Variants in ESR1 observed in about 807,000 individuals in gnomAD.
The protein encoded by ESR1 is estrogen receptor.
ESR1 carries 12 observed loss-of-function variants against 52.7 expected under a neutral mutation model. The ratio of observed to expected loss-of-function variants is 0.23; its 90% CI spans 0.15 to 0.37. The LOEUF is 0.37. Ranked by LOEUF, ESR1 falls within the 10% of genes least tolerant of loss-of-function variation. ESR1 has a pLI of 1.00. For synonymous variants in ESR1, 305 were observed against 316.8 expected, an observed-to-expected ratio of 0.96 and a Z score of 0.39; for missense variants, 584 against 779.7, an observed-to-expected ratio of 0.75 and a Z score of 2.99.
At chr6:151,687,552 A>T (rs1363461346), upstream of ESR1, among the ~76,000 whole-genome samples, 4 of 152,194 alleles carry the variant, frequency 2.6e-5, no homozygotes, top group Non-Finnish European at 5.9e-5. Flanking sequence ...AGATAAAAAC[A>T]CACAGTCCAA....
chr6:152,119,961 A>C (rs1239183994), intron 6 of ESR1, among the ~76,000 whole-genome samples: 1 of 152,164 alleles, frequency 6.6e-6, no homozygotes, highest in Non-Finnish European at 1.5e-5. Flanking sequence ...ATCTTCAAAA[A>C]TGTAATGGAA....
upstream of ESR1, among the ~76,000 whole-genome samples, chr6:151,806,832 A>G (rs1777962696): frequency 6.6e-6 from 1 of 152,022 alleles, no homozygotes; most frequent in South Asian, 2.1e-4. Flanking sequence ...TTTTATATTC[A>G]GTTTTCTGAA....
At chr6:151,700,693 G>C (rs955973165) in intron 1 of ESR1, among the ~76,000 whole-genome samples, 1 of 89,548 alleles carries the variant, frequency 1.1e-5, no homozygotes, top group Non-Finnish European at 2.2e-5. Flanking sequence ...TTTTTTTTGA[G>C]AAAAAAATTG....
intron 6 of ESR1, among the ~76,000 whole-genome samples, chr6:152,117,059 C>T (rs2051219137): frequency 6.6e-6 from 1 of 152,156 alleles, no homozygotes; most frequent in Non-Finnish European, 1.5e-5. Flanking sequence ...GAATGTGGTG[C>T]ATTCTTAACA....
chr6:151,760,678 G>A (rs1371293413), intron 2 of ESR1, among the ~76,000 whole-genome samples: 3 of 152,114 alleles, frequency 2.0e-5, no homozygotes, highest in Non-Finnish European at 4.4e-5. Context: ...CCTCCGAGGC[G>A]AGTTGCTGCC....
chr6:151,856,623 T>G (rs1787891982), intron 2 of ESR1, among the ~76,000 whole-genome samples: 1 of 152,188 alleles, frequency 6.6e-6, no homozygotes, highest in African/African-American at 2.4e-5. Context: ...CTCGCCTTCT[T>G]TCTCCCTATA....
chr6:151,850,108 A>ATATATTATTATATG (rs1491263524), intron 2 of ESR1, among the ~76,000 whole-genome samples: 1 of 27,524 alleles, frequency 3.6e-5, no homozygotes, highest in Non-Finnish European at 1.1e-4. Flanking sequence ...ATATATATAT[A>ATATATTATTATATG]CAAAATTATA....
At chr6:151,699,637 C>T (rs1283676707) in intron 1 of ESR1, among the ~76,000 whole-genome samples, 1 of 152,198 alleles carries the variant, frequency 6.6e-6, no homozygotes, top group East Asian at 1.9e-4. Flanking sequence ...CACTGACAGA[C>T]TGCAGTATTG....
intron 4 of ESR1, among the ~76,000 whole-genome samples, chr6:151,946,660 A>T (rs1460231695): frequency 1.3e-5 from 2 of 152,046 alleles, no homozygotes; most frequent in African/African-American, 4.8e-5. Flanking sequence ...CTTGATAATT[A>T]AAAAAAAGAA....
intron 2 of ESR1, among the ~76,000 whole-genome samples, chr6:151,711,879 T>A (rs1387394319): frequency 6.6e-6 from 1 of 152,232 alleles, no homozygotes. Context: ...ATTTTGCCTT[T>A]TGTTGCCATT....
At chr6:151,947,818 C>T in intron 4 of ESR1, among the ~76,000 whole-genome samples, 1 of 152,076 alleles carries the variant, frequency 6.6e-6, no homozygotes, top group East Asian at 1.9e-4. Flanking sequence ...TTAAAAACAA[C>T]AGTAGCAACA....
chr6:151,878,393 G>A (rs940643293), intron 2 of ESR1, among the ~76,000 whole-genome samples: 1 of 152,182 alleles, frequency 6.6e-6, no homozygotes, highest in East Asian at 1.9e-4. Flanking sequence ...TGACTAGTTT[G>A]CTGGTTTCTG....
At chr6:151,747,110 A>T (rs1459360699) in intron 2 of ESR1, among the ~76,000 whole-genome samples, 5 of 152,200 alleles carry the variant, frequency 3.3e-5, no homozygotes, top group Non-Finnish European at 5.9e-5. Flanking sequence ...TTAACTAATG[A>T]TTTTAAAATG....
intron 3 of ESR1, among the ~76,000 whole-genome samples, chr6:151,896,053 A>C (rs1053995465): frequency 2.4e-4 from 37 of 152,080 alleles, no homozygotes; most frequent in Non-Finnish European, 2.1e-4. Context: ...CTCTCAAAGG[A>C]CTCTCAAAGT....
rs1300835348 is a variant in ESR1, at chr6:152,094,917, T to C, written c.1553+349T>C. On this transcript the variant is annotated intron_variant, in intron 7 of 7. Transcript: ENST00000206249. The surrounding 1 kb of genome is among the most constrained non-coding windows in gnomAD (Gnocchi z 4.6). ...GTACACATCCCCTGAAGACACTGGG[T>C]ACATCTGTTATGGTCCCTGTGTACA... 6.6e-6 allele frequency among the ~76,000 whole-genome samples: 1 copy of C among 152,142 alleles called. No individual in the cohort carries two copies. The highest frequency in any genetic ancestry group is 1.5e-5 in the Non-Finnish European group (1 of 68,028).
intron 2 of ESR1, among the ~76,000 whole-genome samples, chr6:151,770,027 CAAA>C (rs1166242383): frequency 5.1e-5 from 5 of 98,740 alleles, no homozygotes; most frequent in Admixed American, 1.1e-4. Context: ...GACTCCATCT[CAAA>C]AAAAAAAAAA....
intron 2 of ESR1, among the ~76,000 whole-genome samples, chr6:151,757,697 A>C (rs1218415010): frequency 1.3e-5 from 2 of 152,230 alleles, no homozygotes; most frequent in South Asian, 4.1e-4. Flanking sequence ...GTGCTTTTGC[A>C]AATGTGTTTT....
chr6:152,096,538 G>A (rs1028570113), intron 7 of ESR1: 1 of 433,682 alleles, frequency 2.3e-6, no homozygotes, highest in African/African-American at 2.0e-5. Context: ...TTACTACTGA[G>A]TGAGTGAACA....
intron 6 of ESR1, among the ~76,000 whole-genome samples, chr6:152,065,030 A>G (rs1303645919): frequency 6.6e-6 from 1 of 152,212 alleles, no homozygotes; most frequent in Non-Finnish European, 1.5e-5. Context: ...AACAGCTATC[A>G]TCATCACTGA....
Sources: allele counts gnomAD v4.1 joint callset (sites outside exome capture counted in the v4.1 genomes callset), GRCh38; gene constraint gnomAD v4.1.1; non-coding constraint Gnocchi (gnomAD v3.1); transcripts MANE v1.5; gene names NCBI Gene and HGNC (gene_info 2026-07-23, HGNC 2026-07-21).